Variants in CHRM4 observed in about 807,000 individuals in gnomAD.
CHRM4 encodes cholinergic receptor muscarinic 4.
A neutral mutation model predicts 26.3 loss-of-function variants in CHRM4; 5 were observed. The ratio of observed to expected loss-of-function variants is 0.19; its 90% CI spans 0.10 to 0.40. CHRM4 has a LOEUF of 0.40. Among genes scored for constraint, CHRM4 ranks in the 10% least tolerant of loss-of-function variants. The pLI is 1.00. For missense variants in CHRM4, 402 were observed against 664.5 expected (o/e 0.60, Z 4.34); for synonymous variants, 290 against 285.3 (o/e 1.02, Z -0.16).
chr11:46,387,952 G>A (rs1416530564), intron 1 of CHRM4, among the ~76,000 whole-genome samples: 2 of 152,192 alleles, frequency 1.3e-5, no homozygotes, highest in African/African-American at 2.4e-5. Flanking sequence ...AGTCCACTCC[G>A]CACACCGGGC....
rs1945389244 is a variant in CHRM4 at position 46,391,274 on chromosome 11, C to T, written c.-30+257G>A. Among the ~76,000 whole-genome samples, 2 of 152,064 alleles carry T rather than the reference C, an allele frequency of 1.3e-5. No homozygotes were observed. The highest frequency in any genetic ancestry group is 2.1e-4 in the South Asian group (1 of 4,822). On this transcript the variant is annotated intron_variant, in intron 1 of 1. Coordinates refer to ENST00000682254, the MANE Select transcript of CHRM4 (RefSeq NM_000741.5). This position sits in a 1 kb window ranked among gnomAD's most constrained non-coding sequence, Gnocchi z 6.3. ...CAGCGCCCGGCGCCCTGCTGAGCCG[C>T]CAGTGGGAGGGCTGGAGTACAGGGT... is the stretch of plus-strand genomic sequence containing the variant.
chr11:46,384,787 G>A lies in CHRM4; in HGVS notation c.*331C>T, dbSNP rs150308332. On this transcript the variant is annotated 3_prime_UTR_variant, in exon 2 of 2. Transcript: ENST00000682254. ...TCTTCCTGAGGGGGCCCTGGGCTTC[G>A]GCCCCCATCCAGATGTCCATTCTTC... Among the ~76,000 whole-genome samples, 9 of 152,320 alleles carry A rather than the reference G, an allele frequency of 5.9e-5. No homozygotes were observed. Among genetic ancestry groups the A allele is most frequent in the African/African-American group, 1.2e-4 (5 of 41,578 alleles).
rs1299977980 is a variant in CHRM4 at position 46,386,571 on chromosome 11, G to A, written c.-14C>T. On this transcript the variant is annotated 5_prime_UTR_variant, in exon 2 of 2. Transcript: ENST00000682254. The surrounding 1 kb of genome is among the most constrained non-coding windows in gnomAD (Gnocchi z 5.8). ...GAAGTTGGCCATGTTGGTTGCCAGG[G>A]GTGGGTAGGCCGTGTCTGGGGAGGA... 1 of 1,605,916 alleles carries A rather than the reference G, an allele frequency of 6.2e-7. No homozygotes were observed. Among genetic ancestry groups the A allele is most frequent in the South Asian group, 1.1e-5 (1 of 90,910 alleles).
In CHRM4 at chr11:46,386,565, G is replaced by T; in HGVS notation, c.-8C>A. The T allele has an allele frequency of 6.2e-7, 1 of 1,606,720 alleles. No individual in the cohort carries two copies. Among genetic ancestry groups the T allele is most frequent in the Non-Finnish European group, 8.5e-7 (1 of 1,174,458 alleles). ...AGGTGTGAAGTTGGCCATGTTGGTT[G>T]CCAGGGGTGGGTAGGCCGTGTCTGG... On this transcript the variant is annotated 5_prime_UTR_variant, in exon 2 of 2. Transcript: ENST00000682254. The surrounding 1 kb of genome is among the most constrained non-coding windows in gnomAD (Gnocchi z 5.8).
chr11:46,385,490 G>A lies in CHRM4; in HGVS notation c.1068C>T (p.Ala356=). The change falls in exon 2 of 2, where the codon GCC becomes GCT. Residue 356 remains alanine (A), a synonymous_variant. Transcript: ENST00000682254. The surrounding 1 kb of genome is among the most constrained non-coding windows in gnomAD (Gnocchi z 6.3). ...CCGGCGTGGCAGGCACAATCTCAAT[G>A]GCTGTCACACACTCATTGCCTGTCT... ...TKQTGNECVT[A]IEIVPATPAG... is the part of the protein sequence containing the mutation. 2 of 1,597,446 alleles carry A rather than the reference G, an allele frequency of 1.3e-6. No individual in the cohort carries two copies. The highest frequency in any genetic ancestry group is 1.7e-6 in the Non-Finnish European group (2 of 1,166,906).
At chr11:46,388,754 T>A (rs190237264) in intron 1 of CHRM4, among the ~76,000 whole-genome samples, 25 of 151,968 alleles carry the variant, frequency 1.6e-4, no homozygotes, top group Non-Finnish European at 2.6e-4. Flanking sequence ...GAGGCTGCCC[T>A]CCCCCAATCA....
chr11:46,390,534 A>G (rs1049053550), intron 1 of CHRM4, among the ~76,000 whole-genome samples: 1 of 152,240 alleles, frequency 6.6e-6, no homozygotes, highest in Non-Finnish European at 1.5e-5. Flanking sequence ...AGGCGAGTGC[A>G]AGACTCTTGT....
chr11:46,385,427 G>A lies in CHRM4; in HGVS notation c.1131C>T (p.Phe377=), dbSNP rs755331261. The stretch of plus-strand genomic sequence containing the variant: ...GCACCTGGTTGCGAGCGATGCTGGC[G>A]AACTTGCGGGCCACGTTGGCCGCAG... The part of the protein sequence containing the change: ...MRPAANVARK[F]ASIARNQVRK... Residue 377 remains phenylalanine, a synonymous_variant, in exon 2 of 2, where the codon TTC becomes TTT. Coordinates refer to ENST00000682254, the MANE Select transcript of CHRM4 (RefSeq NM_000741.5). The surrounding 1 kb of genome is among the most constrained non-coding windows in gnomAD (Gnocchi z 6.3). 2.7e-5 allele frequency: 44 copies of A among 1,608,348 alleles called. No individual in the cohort carries two copies. The highest frequency in any genetic ancestry group is 3.7e-5 in the Non-Finnish European group (43 of 1,175,580).
rs1262238805 is a variant in CHRM4 at position 46,385,164 on chromosome 11, C to T, written c.1394G>A (p.Arg465Gln). ...CCGATACTGGCACAGCAGCAGGTGCCGGAAGGTCTTTTTAAAGGTGGCGTT... is the reference window on the plus strand; with the variant it reads ...CCGATACTGGCACAGCAGCAGGTGCTGGAAGGTCTTTTTAAAGGTGGCGTT... ...LCNATFKKTF[R>Q]HLLLCQYRNI... Residue 465 changes from arginine (R) to glutamine (Q), a missense_variant, in exon 2 of 2, where the codon CGG becomes CAG. Arg to Gln is a conservative substitution (Grantham distance 43, BLOSUM62 1). Transcript: ENST00000682254. The surrounding 1 kb of genome is among the most constrained non-coding windows in gnomAD (Gnocchi z 6.3). 31 of 1,613,426 alleles carry T rather than the reference C, an allele frequency of 1.9e-5. No individual in the cohort carries two copies. Among genetic ancestry groups the T allele is most frequent in the Non-Finnish European group, 2.5e-5 (30 of 1,179,634 alleles).
chr11:46,390,375 A>G (rs61882689), intron 1 of CHRM4, among the ~76,000 whole-genome samples: 1,900 of 152,296 alleles, frequency 0.012, 20 homozygotes, highest in Non-Finnish European at 0.021. Context: ...CCTCTGCGAG[A>G]GTCGCCCAAC....
rs761358369 is a variant in CHRM4 at position 46,385,228 on chromosome 11, C to T, written c.1330G>A (p.Val444Ile). 12 of 1,613,894 alleles carry T rather than the reference C, an allele frequency of 7.4e-6. No homozygotes were observed. Among genetic ancestry groups the T allele is most frequent in the South Asian group, 3.3e-5 (3 of 91,088 alleles). The change falls in exon 2 of 2, where the codon GTC becomes ATC. Residue 444 changes from valine (V) to isoleucine (I), a missense_variant. Transcript: ENST00000682254. The surrounding 1 kb of genome is among the most constrained non-coding windows in gnomAD (Gnocchi z 6.3). The stretch of plus-strand genomic sequence containing the variant: ...CAGGCAGGGTTGATGGTGCTGTTGA[C>T]GTAGCAGAGCCAGTAGCCAATGGAC... ...VWSIGYWLCY[V>I]NSTINPACYA...
Position 46,386,242 on chromosome 11 carries a change from CG to C in CHRM4, c.315del (p.Cys105TrpfsTer11). The C allele has an allele frequency of 6.2e-7, 1 of 1,613,802 alleles. No homozygotes were observed. Among genetic ancestry groups the C allele is most frequent in the Non-Finnish European group, 8.5e-7 (1 of 1,179,884 alleles). On this transcript the variant is annotated frameshift_variant, in exon 2 of 2. Transcript: ENST00000682254. LOFTEE classifies it high-confidence loss of function. This position sits in a 1 kb window ranked among gnomAD's most constrained non-coding sequence, Gnocchi z 5.8. ...KGYWPLGAVV[C>X]DLWLALDYVV... ...ACGTAGTCCAGGGCCAGCCACAGGT[CG>C]CAGACCACGGCGCCCAGGGGCCAGT...
rs1245695586 is a variant in CHRM4, at chr11:46,386,945, T to G, written c.-29-359A>C. Reference sequence around the variant, plus strand: ...TTGCTAGGTGGCCTCACCCACCAGGTCATCTGGGTGATGAGGAGCCAGCCA... The same window carrying G: ...TTGCTAGGTGGCCTCACCCACCAGGGCATCTGGGTGATGAGGAGCCAGCCA... On this transcript the variant is annotated intron_variant, in intron 1 of 1. Transcript: ENST00000682254. This position sits in a 1 kb window ranked among gnomAD's most constrained non-coding sequence, Gnocchi z 5.8. Among the ~76,000 whole-genome samples, 1 of 152,118 alleles carries G rather than the reference T, an allele frequency of 6.6e-6. No individual in the cohort carries two copies. The highest frequency in any genetic ancestry group is 2.4e-5 in the African/African-American group (1 of 41,408).
rs1466739037 is a variant in CHRM4 at position 46,384,230 on chromosome 11, T to G, written c.*888A>C. ...CTGCCCACCTCCCCCCTTCCCACTG[T>G]CATGGAAACCCGAGTGAGCCACCAG... On this transcript the variant is annotated 3_prime_UTR_variant, in exon 2 of 2. Coordinates refer to ENST00000682254, the MANE Select transcript of CHRM4 (RefSeq NM_000741.5). Among the ~76,000 whole-genome samples the G allele has an allele frequency of 6.6e-6, 1 of 152,202 alleles. No homozygotes were observed. The highest frequency in any genetic ancestry group is 2.4e-5 in the African/African-American group (1 of 41,446).
chr11:46,390,257 C>A (rs1945379776), intron 1 of CHRM4, among the ~76,000 whole-genome samples: 1 of 152,130 alleles, frequency 6.6e-6, no homozygotes, highest in African/African-American at 2.4e-5. Context: ...GGGCTGCCTG[C>A]GACGGGCCAC....
At position 46,391,262 on chromosome 11, in the gene CHRM4, C is replaced by T. The variant is rs1417331340; in HGVS notation, c.-30+269G>A. ...TCTTTGGGGCTTCAGCGCCCGGCGC[C>T]CTGCTGAGCCGCCAGTGGGAGGGCT... On this transcript the variant is annotated intron_variant, in intron 1 of 1. Coordinates refer to ENST00000682254, the MANE Select transcript of CHRM4 (RefSeq NM_000741.5). This position sits in a 1 kb window ranked among gnomAD's most constrained non-coding sequence, Gnocchi z 6.3. Among the ~76,000 whole-genome samples, 1 of 151,922 alleles carries T rather than the reference C, an allele frequency of 6.6e-6. No homozygotes were observed. The highest frequency in any genetic ancestry group is 1.5e-5 in the Non-Finnish European group (1 of 67,938).
At position 46,391,302 on chromosome 11, in the gene CHRM4, C is replaced by T. The variant is rs1170944393; in HGVS notation, c.-30+229G>A. 3.9e-5 allele frequency among the ~76,000 whole-genome samples: 6 copies of T among 152,082 alleles called. No homozygotes were observed. The highest frequency in any genetic ancestry group is 1.4e-4 in the African/African-American group (6 of 41,418). Reference sequence around the variant, plus strand: ...GTGGGAGGGCTGGAGTACAGGGTCCCACCCCCGACGGCTGCCCCTGGCTCC... The same window carrying T: ...GTGGGAGGGCTGGAGTACAGGGTCCTACCCCCGACGGCTGCCCCTGGCTCC... On this transcript the variant is annotated intron_variant, in intron 1 of 1. Transcript: ENST00000682254. This position sits in a 1 kb window ranked among gnomAD's most constrained non-coding sequence, Gnocchi z 6.3.
In CHRM4 at chr11:46,386,385, T is replaced by C. The variant is rs200267822; in HGVS notation, c.173A>G (p.Lys58Arg). Residue 58 changes from lysine to arginine, a missense_variant, in exon 2 of 2, where the codon AAG becomes AGG. Physicochemically the swap from Lys to Arg is conservative, Grantham distance 26. Transcript: ENST00000682254. The surrounding 1 kb of genome is among the most constrained non-coding windows in gnomAD (Gnocchi z 5.8). ...GACTGTCTGCAGCTGCCTGTTGACC[T>C]TGATGGACAGCATCACCAGGATGTT... is the stretch of plus-strand genomic sequence containing the variant. Reference protein sequence around the residue: ...VGNILVMLSIKVNRQLQTVNN... With the variant: ...VGNILVMLSIRVNRQLQTVNN... 1.2e-6 allele frequency: 2 copies of C among 1,614,026 alleles called. No homozygotes were observed. The highest frequency in any genetic ancestry group is 2.2e-5 in the East Asian group (1 of 44,888).
chr11:46,388,161 C>T (rs954024526), intron 1 of CHRM4, among the ~76,000 whole-genome samples: 2 of 152,196 alleles, frequency 1.3e-5, no homozygotes, highest in African/African-American at 2.4e-5. Flanking sequence ...CAGACGCACG[C>T]GGGCCCATCA....
Sources: allele counts gnomAD v4.1 joint callset (sites outside exome capture counted in the v4.1 genomes callset), GRCh38; gene constraint gnomAD v4.1.1; non-coding constraint Gnocchi (gnomAD v3.1); transcripts MANE v1.5; gene names NCBI Gene and HGNC (gene_info 2026-07-23, HGNC 2026-07-21).